The following PRKAR1B variants were observed in gnomAD, a reference collection of about 807,000 sequenced individuals.
PRKAR1B encodes protein kinase cAMP-dependent type I regulatory subunit beta.
In PRKAR1B, 22 loss-of-function variants were observed where a neutral mutation model predicts 46.5. The ratio of observed to expected loss-of-function variants is 0.47; its 90% confidence interval spans 0.34 to 0.68. PRKAR1B has a LOEUF of 0.68. Among genes scored for constraint, PRKAR1B ranks in the 30% least tolerant of loss-of-function variants. The pLI, the probability that PRKAR1B is intolerant of heterozygous loss-of-function variation, is 0.01. For missense variants in PRKAR1B, 445 were observed against 535.6 expected, an observed-to-expected ratio of 0.83 and a Z score of 1.67; for synonymous variants, 259 against 217.7, an observed-to-expected ratio of 1.19 and a Z score of -1.67.
At chr7:710,935 C>T (rs984546636) in intron 2 of PRKAR1B, among the ~76,000 whole-genome samples, 1 of 152,128 alleles carries the variant, frequency 6.6e-6, no homozygotes, top group Non-Finnish European at 1.5e-5. Context: ...TGAGCTACCC[C>T]GTGGGAGCTA....
chr7:687,866 C>T (rs919584466), intron 2 of PRKAR1B, among the ~76,000 whole-genome samples: 1 of 152,092 alleles, frequency 6.6e-6, no homozygotes, highest in African/African-American at 2.4e-5. Context: ...GAGGCCGAGG[C>T]AGGCGGATCA....
intron 7 of PRKAR1B, among the ~76,000 whole-genome samples, chr7:592,984 C>T (rs1274966692): frequency 6.6e-6 from 1 of 152,000 alleles, no homozygotes. Flanking sequence ...TACAGTGAGC[C>T]GAGATTGTGC....
At chr7:571,225 C>T (rs1768652259) in intron 9 of PRKAR1B, among the ~76,000 whole-genome samples, 1 of 152,080 alleles carries the variant, frequency 6.6e-6, no homozygotes, top group Non-Finnish European at 1.5e-5. Flanking sequence ...CAGCCAGGAG[C>T]CTCGCAGCGC....
In PRKAR1B at chr7:714,902, T is replaced by C. The variant is rs767507171; in HGVS notation, c.-22-3375A>G. Among the ~76,000 whole-genome samples the C allele has an allele frequency of 6.6e-6, 1 of 152,152 alleles. No homozygotes were observed. The highest frequency in any genetic ancestry group is 1.9e-4 in the East Asian group (1 of 5,192). On this transcript the variant is annotated intron_variant, in intron 1 of 10. Coordinates refer to ENST00000537384, the MANE Select transcript of PRKAR1B (RefSeq NM_001164760.2). This position sits in a 1 kb window ranked among gnomAD's most constrained non-coding sequence, Gnocchi z 4.3. ...CAATTATGTTCATCAATAAATACCT[T>C]TGGCCGGATGCGGTGGTTCACACCT... is the stretch of plus-strand genomic sequence containing the variant.
At chr7:605,183 G>A (rs569522956) in intron 6 of PRKAR1B, among the ~76,000 whole-genome samples, 89 of 152,350 alleles carry the variant, frequency 5.8e-4, no homozygotes, top group African/African-American at 2.0e-3. Flanking sequence ...CCCTGGGGCC[G>A]CCAGTGCAGG....
At chr7:595,292 AG>A (rs1007725595) in intron 7 of PRKAR1B, among the ~76,000 whole-genome samples, 2 of 151,994 alleles carry the variant, frequency 1.3e-5, no homozygotes, top group African/African-American at 4.8e-5. Flanking sequence ...CCACCTTATC[AG>A]GGGGGTCTCT....
intron 2 of PRKAR1B, among the ~76,000 whole-genome samples, chr7:685,400 A>G (rs867302348): frequency 8.1e-6 from 1 of 124,060 alleles, no homozygotes; most frequent in Non-Finnish European, 1.6e-5. Flanking sequence ...ATATATATAT[A>G]TGTATATATA....
intron 2 of PRKAR1B, among the ~76,000 whole-genome samples, chr7:683,951 G>A (rs958333705): frequency 5.3e-5 from 8 of 151,942 alleles, no homozygotes; most frequent in African/African-American, 1.2e-4. Flanking sequence ...CCACCTCCAC[G>A]TGCACTGATG....
rs1778721110 is a variant in PRKAR1B at position 560,528 on chromosome 7, G to T, written c.892-9058C>A. ...ACGAGCTTAACCCAGGCTTCCCCCTGACCTGGCCAGGAACAAATGGGACTG... is the reference window on the plus strand; with the variant it reads ...ACGAGCTTAACCCAGGCTTCCCCCTTACCTGGCCAGGAACAAATGGGACTG... On this transcript the variant is annotated intron_variant, in intron 9 of 10. Coordinates refer to ENST00000537384, the MANE Select transcript of PRKAR1B (RefSeq NM_001164760.2). This position sits in a 1 kb window ranked among gnomAD's most constrained non-coding sequence, Gnocchi z 4.2. 6.6e-6 allele frequency among the ~76,000 whole-genome samples: 1 copy of T among 152,086 alleles called. No individual in the cohort carries two copies.
upstream of PRKAR1B, among the ~76,000 whole-genome samples, chr7:728,470 A>G (rs1288417219): frequency 6.6e-6 from 1 of 152,140 alleles, no homozygotes; most frequent in African/African-American, 2.4e-5. Context: ...AAGTAGAGGA[A>G]GAGCTGGACT....
chr7:724,863 G>A (rs1781194047), intron 1 of PRKAR1B, among the ~76,000 whole-genome samples: 1 of 152,214 alleles, frequency 6.6e-6, no homozygotes, highest in Admixed American at 6.5e-5. Context: ...TCAAACAAAT[G>A]CCTGTTGGAG....
intron 4 of PRKAR1B, among the ~76,000 whole-genome samples, chr7:632,876 GCCGGCACCCGTCAGCC>G (rs1783837695): frequency 6.6e-6 from 1 of 151,968 alleles, no homozygotes; most frequent in Non-Finnish European, 1.5e-5. Flanking sequence ...GCCCCCGACG[GCCGGCACCCGTCAGCC>G]CTCCTGAGCC....
chr7:583,917 C>T lies in PRKAR1B; in HGVS notation c.769+591G>A, dbSNP rs911542378. ...CCCCCACTGGCCCAGCTGGCGCCAT[C>T]GCGTATAACTCAGGCTTCAGCAGCG... On this transcript the variant is annotated intron_variant, in intron 8 of 10. Transcript: ENST00000537384. Among the ~76,000 whole-genome samples the T allele has an allele frequency of 5.3e-5, 8 of 152,226 alleles. No homozygotes were observed. The South Asian group carries it at 8.3e-4, about 16-fold the overall frequency.
At chr7:684,950 A>C (rs1053878962) in intron 2 of PRKAR1B, among the ~76,000 whole-genome samples, 1 of 151,798 alleles carries the variant, frequency 6.6e-6, no homozygotes, top group African/African-American at 2.4e-5. Flanking sequence ...TAAATACTTC[A>C]ATATCTAGCT....
intron 3 of PRKAR1B, 115 bp from the exon 4 acceptor site, chr7:677,435 T>C: frequency 2.3e-6 from 2 of 867,848 alleles, no homozygotes; most frequent in Non-Finnish European, 3.8e-6. Flanking sequence ...GGTACAAATA[T>C]GCAATTTGAA....
chr7:647,213 TC>T (rs1302104108), intron 4 of PRKAR1B, among the ~76,000 whole-genome samples: 1 of 152,068 alleles, frequency 6.6e-6, no homozygotes, highest in Non-Finnish European at 1.5e-5. Flanking sequence ...AACCTGCGGA[TC>T]AGCCTTCCTC....
intron 4 of PRKAR1B, among the ~76,000 whole-genome samples, chr7:612,492 T>A (rs1053764900): frequency 6.7e-6 from 1 of 149,796 alleles, no homozygotes; most frequent in African/African-American, 2.5e-5. Flanking sequence ...GGATGGATGA[T>A]AGATGGATGG....
intron 2 of PRKAR1B, among the ~76,000 whole-genome samples, chr7:701,756 T>C (rs75019741): frequency 1.3e-4 from 20 of 152,332 alleles, no homozygotes; most frequent in African/African-American, 4.8e-4. Flanking sequence ...GAATCCTGTA[T>C]CTGTAAACAT....
chr7:558,328 GA>G (rs997641029), intron 9 of PRKAR1B, among the ~76,000 whole-genome samples: 1,299 of 70,190 alleles, frequency 0.019, 12 homozygotes, highest in South Asian at 0.062. Context: ...CCTGTCTCAG[GA>G]AAAAAAAAAA....
Sources: gnomAD v4.1 joint callset for allele counts (sites outside exome capture counted in the v4.1 genomes callset) on GRCh38, gnomAD v4.1.1 for gene constraint, Gnocchi (gnomAD v3.1) non-coding constraint, MANE v1.5 for transcripts, NCBI Gene and HGNC (gene_info 2026-07-23, HGNC 2026-07-21) for gene names.